TXNDC16: variants seen among roughly 807,000 people sequenced by gnomAD.
TXNDC16 encodes thioredoxin domain-containing protein 16.
TXNDC16 carries 74 observed loss-of-function variants against 85.6 expected under a neutral mutation model. That is an observed-to-expected ratio of 0.86 (90% CI 0.72 to 1.05). The LOEUF is 1.05. TXNDC16 is among the 50% of genes least tolerant of loss of function. The pLI, the probability that TXNDC16 is intolerant of heterozygous loss-of-function variation, is 0.00. For synonymous variants in TXNDC16, 335 were observed against 326.5 expected (o/e 1.03, Z -0.28); for missense variants, 959 against 947.0 (o/e 1.01, Z -0.17).
Position 52,470,044 on chromosome 14 carries a change from C to A in TXNDC16, c.1611G>T (p.Met537Ile). Residue 537 changes from methionine to isoleucine, a missense_variant, in exon 16 of 21, where the codon ATG (methionine) becomes ATT (isoleucine). Physicochemically the swap from Met to Ile is conservative, Grantham distance 10. Coordinates refer to ENST00000281741, the MANE Select transcript of TXNDC16 (RefSeq NM_020784.3). ...VSVLGLFSPTMKTAKEDFSEA... is the reference protein window; with the variant it reads ...VSVLGLFSPTIKTAKEDFSEA... The stretch of plus-strand genomic sequence containing the variant: ...AAGCTCAGCTCTGCTTACCTGTTTT[C>A]ATGGTTGGACTAAATAGTCCCAATA... The A allele has an allele frequency of 6.2e-7, 1 of 1,606,858 alleles. No homozygotes were observed. The highest frequency in any genetic ancestry group is 1.1e-5 in the South Asian group (1 of 89,188).
At chr14:52,501,974 G>C (rs918004894) in intron 9 of TXNDC16, among the ~76,000 whole-genome samples, 1 of 152,154 alleles carries the variant, frequency 6.6e-6, no homozygotes, top group African/African-American at 2.4e-5. Flanking sequence ...GGAATCTTTC[G>C]AGGCTTTGTC....
rs1426511933 is a variant in TXNDC16 at position 52,446,159 on chromosome 14, A to G, written c.1843-5435T>C. Among the ~76,000 whole-genome samples the G allele has an allele frequency of 4.6e-5, 7 of 152,222 alleles. No homozygotes were observed. In the East Asian group the frequency reaches 1.3e-3, roughly 29 times the overall value. On this transcript the variant is annotated intron_variant, in intron 18 of 20. Coordinates refer to ENST00000281741, the MANE Select transcript of TXNDC16 (RefSeq NM_020784.3). Reference sequence around the variant, plus strand: ...TTAACTTTATATCGCTCAAAGAGGCACTGAAGAGGTAGGAAAAACAGTCTT... The same window carrying G: ...TTAACTTTATATCGCTCAAAGAGGCGCTGAAGAGGTAGGAAAAACAGTCTT...
chr14:52,431,775 T>G lies in TXNDC16; in HGVS notation c.*529A>C, dbSNP rs1171969080. 6.6e-6 allele frequency: 1 copy of G among 152,278 alleles called. No individual in the cohort carries two copies. The highest frequency in any genetic ancestry group is 1.9e-4 in the East Asian group (1 of 5,210). 9.4% of individuals were successfully genotyped at this position (152,278 alleles called of 1,614,324 possible). On this transcript the variant is annotated 3_prime_UTR_variant, in exon 21 of 21. Coordinates refer to ENST00000281741, the MANE Select transcript of TXNDC16 (RefSeq NM_020784.3). ...TTGACAAACGCTGATTTTAATATCA[T>G]GACTCCAATAAAACAAATATAACTG...
chr14:52,505,567 T>A (rs763732992), intron 9 of TXNDC16, among the ~76,000 whole-genome samples: 1 of 152,182 alleles, frequency 6.6e-6, no homozygotes, highest in South Asian at 2.1e-4. Context: ...TTCAAAGCAG[T>A]GTGTAGAGGG....
At chr14:52,492,730 A>G (rs1430709582) in intron 9 of TXNDC16, among the ~76,000 whole-genome samples, 2 of 152,164 alleles carry the variant, frequency 1.3e-5, no homozygotes, top group Admixed American at 1.3e-4. Context: ...GTCTGTGCAG[A>G]TCAGACACTT....
intron 16 of TXNDC16, among the ~76,000 whole-genome samples, chr14:52,462,020 A>G (rs957905604): frequency 6.6e-6 from 1 of 152,220 alleles, no homozygotes; most frequent in Non-Finnish European, 1.5e-5. Flanking sequence ...TATTTAAGTT[A>G]CACTCTTGAA....
chr14:52,448,934 TTCAAA>T (rs1394080065), intron 18 of TXNDC16, among the ~76,000 whole-genome samples: 1 of 151,846 alleles, frequency 6.6e-6, no homozygotes, highest in Non-Finnish European at 1.5e-5. Flanking sequence ...TCATGGTAAC[TTCAAA>T]TCAAAAAACA....
rs2037415447 is a variant in TXNDC16, at chr14:52,529,240, C to T, written c.392+7479G>A. Among the ~76,000 whole-genome samples the T allele has an allele frequency of 4.7e-5, 7 of 149,256 alleles. No individual in the cohort carries two copies. In the South Asian group the frequency reaches 1.5e-3, roughly 31 times the overall value. Reference sequence around the variant, plus strand: ...ACTATCGCAAGGACAAAAAACCAAACACCGCATGTTCTCACACATAGGTGG... The same window carrying T: ...ACTATCGCAAGGACAAAAAACCAAATACCGCATGTTCTCACACATAGGTGG... On this transcript the variant is annotated intron_variant, in intron 6 of 20. Coordinates refer to ENST00000281741, the MANE Select transcript of TXNDC16 (RefSeq NM_020784.3).
chr14:52,447,243 C>T (rs1472365957), intron 18 of TXNDC16, among the ~76,000 whole-genome samples: 1 of 152,112 alleles, frequency 6.6e-6, no homozygotes, highest in Non-Finnish European at 1.5e-5. Flanking sequence ...GCCCTTGGGC[C>T]TTAAGAGAAC....
chr14:52,536,806 TA>T lies in TXNDC16; in HGVS notation c.318-14del, dbSNP rs1203696333. ...CAATATGTTGCCCCTATAAAAAGTTTAAAAACATATTAATATTGAAAAATAC... is the reference window on the plus strand; with the variant it reads ...CAATATGTTGCCCCTATAAAAAGTTTAAAACATATTAATATTGAAAAATAC... On this transcript the variant is annotated splice_polypyrimidine_tract_variant and intron_variant, in intron 5 of 20. Coordinates refer to ENST00000281741, the MANE Select transcript of TXNDC16 (RefSeq NM_020784.3). 1.1e-5 allele frequency: 17 copies of T among 1,586,056 alleles called. No homozygotes were observed. In the South Asian group the frequency reaches 1.7e-4, roughly 16 times the overall value.
At chr14:52,532,740 C>G (rs1055311833) in intron 6 of TXNDC16, among the ~76,000 whole-genome samples, 6 of 151,588 alleles carry the variant, frequency 4.0e-5, no homozygotes, top group African/African-American at 1.5e-4. Context: ...CCAGCCAGTT[C>G]AAATCTATTT....
intron 12 of TXNDC16, 118 bp from the exon 13 acceptor site, chr14:52,483,083 T>C: frequency 4.7e-6 from 4 of 845,738 alleles, no homozygotes; most frequent in Non-Finnish European, 6.8e-6. Context: ...GAATTCATCC[T>C]ATCTTAATAG....
chr14:52,464,518 C>G (rs907641262), intron 16 of TXNDC16, among the ~76,000 whole-genome samples: 25 of 152,082 alleles, frequency 1.6e-4, no homozygotes, highest in African/African-American at 5.6e-4. Context: ...ACCTGAGGTA[C>G]AGAGAGGACA....
chr14:52,495,308 T>C (rs1016771215), intron 9 of TXNDC16, among the ~76,000 whole-genome samples: 9 of 152,200 alleles, frequency 5.9e-5, no homozygotes, highest in African/African-American at 2.2e-4. Flanking sequence ...GCCTTGATTC[T>C]CCTTTTTATG....
chr14:52,497,837 C>T (rs181410314), intron 9 of TXNDC16, among the ~76,000 whole-genome samples: 268 of 147,970 alleles, frequency 1.8e-3, no homozygotes, highest in African/African-American at 6.1e-3. Context: ...GCCGAGATTG[C>T]GCCACTGCAC....
chr14:52,485,376 T>A (rs1328824717), intron 12 of TXNDC16, among the ~76,000 whole-genome samples: 1 of 152,196 alleles, frequency 6.6e-6, no homozygotes, highest in Non-Finnish European at 1.5e-5. Flanking sequence ...AAAATGTTTT[T>A]AAAAATTGTA....
At chr14:52,457,034 T>G in intron 17 of TXNDC16, 56 bp downstream of exon 17, 1 of 1,192,306 alleles carries the variant, frequency 8.4e-7, no homozygotes, top group Non-Finnish European at 1.2e-6. Context: ...AATTATTAGA[T>G]AACATTATTT....
intron 8 of TXNDC16, among the ~76,000 whole-genome samples, chr14:52,512,848 G>C (rs1035677145): frequency 1.3e-5 from 2 of 152,094 alleles, no homozygotes; most frequent in Non-Finnish European, 2.9e-5. Context: ...ACACCTTTCT[G>C]TTTTACTTAT....
At chr14:52,502,514 T>A (rs775982233) in intron 9 of TXNDC16, among the ~76,000 whole-genome samples, 65 of 152,216 alleles carry the variant, frequency 4.3e-4, no homozygotes, top group Non-Finnish European at 8.8e-4. Flanking sequence ...TGCTTTCAGG[T>A]AAAACCACAC....
Sources: allele counts gnomAD v4.1 joint callset (sites outside exome capture counted in the v4.1 genomes callset), GRCh38; gene constraint gnomAD v4.1.1; transcripts MANE v1.5; gene names NCBI Gene and HGNC (gene_info 2026-07-23, HGNC 2026-07-21).